NCOR1: variants seen among roughly 807,000 people sequenced by gnomAD.
NCOR1 encodes protein phosphatase 1, regulatory subunit 109.
Under a neutral mutation model 288.1 loss-of-function variants are expected in NCOR1, and 63 were observed. That is an observed-to-expected ratio of 0.22 (90% CI 0.18 to 0.27). The LOEUF (loss-of-function observed/expected upper bound fraction) is 0.27, where lower values mean the gene tolerates loss of function less well. Among genes scored for constraint, NCOR1 ranks in the 10% least tolerant of loss-of-function variants. The pLI is 1.00. For synonymous variants in NCOR1, 1,007 were observed against 1,065.9 expected, an observed-to-expected ratio of 0.94 and a Z score of 1.08; for missense variants, 2,397 against 3,019.2, an observed-to-expected ratio of 0.79 and a Z score of 4.83.
chr17:16,126,255 G>C (rs542844666), intron 14 of NCOR1, 49 bp from the exon 15 acceptor site: 1 of 1,490,326 alleles, frequency 6.7e-7, no homozygotes, highest in African/African-American at 1.4e-5. Context: ...AACAGAAATA[G>C]CTCCTTATAG....
chr17:16,213,075 G>A (rs1481536055), intron 1 of NCOR1, among the ~76,000 whole-genome samples: 3 of 139,254 alleles, frequency 2.2e-5, no homozygotes, highest in Non-Finnish European at 3.1e-5. Context: ...AAAAAAAAAA[G>A]CTTTAAAAAA....
Position 16,064,158 on chromosome 17 carries a change from T to G in NCOR1, c.5131A>C (p.Ser1711Arg). Reference sequence around the variant, plus strand: ...TCCCGTTCCCGTTCCCTCTCAGCACTTGCAGCAGCTGCAAGGTGTGTTGGG... The same window carrying G: ...TCCCGTTCCCGTTCCCTCTCAGCACGTGCAGCAGCTGCAAGGTGTGTTGGG... ...GHPTHLAAAA[S>R]AERERERERE... Residue 1711 changes from serine (S) to arginine (R), a missense_variant, in exon 35 of 46, where the codon AGT becomes CGT. Ser to Arg is a moderately radical substitution (Grantham distance 110). Transcript: ENST00000268712. 1 of 1,614,122 alleles carries G rather than the reference T, an allele frequency of 6.2e-7. No homozygotes were observed.
intron 1 of NCOR1, among the ~76,000 whole-genome samples, chr17:16,200,771 A>C (rs1255457983): frequency 6.6e-6 from 1 of 151,592 alleles, no homozygotes; most frequent in African/African-American, 2.4e-5. Flanking sequence ...ATTAGGTCAC[A>C]CCAGTTCCCA....
At chr17:16,109,485 A>G (rs2069526679) in intron 18 of NCOR1, among the ~76,000 whole-genome samples, 1 of 152,056 alleles carries the variant, frequency 6.6e-6, no homozygotes, top group South Asian at 2.1e-4. Context: ...TGAGCAGAAC[A>G]TATCACTGTT....
At chr17:16,211,449 TCTCAAACTCCTGGC>T (rs1259563243) in intron 1 of NCOR1, among the ~76,000 whole-genome samples, 1 of 151,904 alleles carries the variant, frequency 6.6e-6, no homozygotes, top group African/African-American at 2.4e-5. Context: ...TGCAGGTTGG[TCTCAAACTCCTGGC>T]CTCAAGTGGT....
intron 21 of NCOR1, among the ~76,000 whole-genome samples, chr17:16,095,687 G>A (rs1452699094): frequency 4.9e-4 from 25 of 51,076 alleles, no homozygotes; most frequent in Admixed American, 1.5e-3. Flanking sequence ...CAGCCGCCCC[G>A]TCCGGGAGGG....
At chr17:16,117,620 C>T (rs987971408) in intron 18 of NCOR1, among the ~76,000 whole-genome samples, 3 of 151,260 alleles carry the variant, frequency 2.0e-5, no homozygotes, top group African/African-American at 7.3e-5. Context: ...GTCTGGAGTT[C>T]GAGACCAGCC....
intron 40 of NCOR1, among the ~76,000 whole-genome samples, chr17:16,055,321 A>G (rs542673577): frequency 6.6e-6 from 1 of 152,244 alleles, no homozygotes; most frequent in Non-Finnish European, 1.5e-5. Context: ...TGGTACATAT[A>G]CACCATGGAA....
chr17:16,044,424 C>CA (rs2058305209), intron 42 of NCOR1: 1 of 471,472 alleles, frequency 2.1e-6, no homozygotes, highest in African/African-American at 2.0e-5. Context: ...GCAAGGCCCC[C>CA]ACTTTCCTTT....
At chr17:16,196,202 T>C (rs1295593904) in intron 1 of NCOR1, among the ~76,000 whole-genome samples, 1 of 150,824 alleles carries the variant, frequency 6.6e-6, no homozygotes, top group Non-Finnish European at 1.5e-5. Flanking sequence ...ATTTTATTAG[T>C]AAAGTTTTAA....
chr17:16,145,299 G>A (rs886756902), intron 10 of NCOR1, among the ~76,000 whole-genome samples: 1 of 152,210 alleles, frequency 6.6e-6, no homozygotes, highest in African/African-American at 2.4e-5. Context: ...TGCCGAGATT[G>A]CAGCCTCTGC....
At chr17:16,062,996 C>A (rs953089472) in intron 35 of NCOR1, among the ~76,000 whole-genome samples, 1 of 152,076 alleles carries the variant, frequency 6.6e-6, no homozygotes, top group Non-Finnish European at 1.5e-5. Context: ...TTCTTCTTGA[C>A]CTCATCTTGT....
Position 16,183,118 on chromosome 17 carries a change from C to T in NCOR1, c.242+3436G>A, listed in dbSNP as rs1336574645. ...TACTGAAAGATTTTCCACTAAGATACCATGAAAGGTAAGGATCGGATCCTT... is the reference window on the plus strand; with the variant it reads ...TACTGAAAGATTTTCCACTAAGATATCATGAAAGGTAAGGATCGGATCCTT... On this transcript the variant is annotated intron_variant, in intron 3 of 45. Coordinates refer to ENST00000268712, the MANE Select transcript of NCOR1 (RefSeq NM_006311.4). Among the ~76,000 whole-genome samples, 72 of 150,750 alleles carry T rather than the reference C, an allele frequency of 4.8e-4. 2 individuals carry two copies. The highest frequency in any genetic ancestry group is 5.9e-5 in the Non-Finnish European group (4 of 67,710).
rs1205041571 is a variant in NCOR1, at chr17:16,145,439, G to A, written c.1082+937C>T. Among the ~76,000 whole-genome samples, 13 of 122,944 alleles carry A rather than the reference G, an allele frequency of 1.1e-4. 1 individual carries two copies. Among genetic ancestry groups the A allele is most frequent in the South Asian group, 2.6e-4 (1 of 3,850 alleles). The allele number at this position is 122,944 out of a possible 152,430, so 80.7% of individuals were successfully genotyped here. On this transcript the variant is annotated intron_variant, in intron 10 of 45. Coordinates refer to ENST00000268712, the MANE Select transcript of NCOR1 (RefSeq NM_006311.4). ...GAGCGTCTCTGCCCGGCCGCCCATCGTCTGGGATGTGGGGAGTGCCTCGGC... is the reference window on the plus strand; with the variant it reads ...GAGCGTCTCTGCCCGGCCGCCCATCATCTGGGATGTGGGGAGTGCCTCGGC...
chr17:16,032,434 A>G lies in NCOR1; in HGVS notation c.7185T>C (p.Ser2395=), dbSNP rs760884846. Residue 2395 remains serine, a synonymous_variant, in exon 46 of 46, where the codon AGT becomes AGC. Coordinates refer to ENST00000268712, the MANE Select transcript of NCOR1 (RefSeq NM_006311.4). ...CACATGCAATCGGTGTTGGTGGAGT[A>G]CTGCTGAGCATCCGCATAGTCAGAG... ...YNPLTMRMLS[S]TPPTPIACAP... 1.2e-6 allele frequency: 2 copies of G among 1,613,272 alleles called. No homozygotes were observed. Among genetic ancestry groups the G allele is most frequent in the Non-Finnish European group, 1.7e-6 (2 of 1,179,784 alleles).
intron 21 of NCOR1, 39 bp from the exon 22 acceptor site, chr17:16,092,097 A>T: frequency 6.2e-7 from 1 of 1,600,318 alleles, no homozygotes; most frequent in Non-Finnish European, 8.5e-7. Context: ...CAAACAACCA[A>T]TGTAATAATT....
chr17:16,073,833 AATGTAGGTACAGATT>A (rs1351326751), intron 27 of NCOR1, among the ~76,000 whole-genome samples: 1 of 152,208 alleles, frequency 6.6e-6, no homozygotes, highest in Non-Finnish European at 1.5e-5. Flanking sequence ...CTTACACAAT[AATGTAGGTACAGATT>A]ATGTAGTAAA....
chr17:16,158,902 C>T lies in NCOR1; in HGVS notation c.619-29G>A, dbSNP rs370861497. 7.3e-6 allele frequency: 11 copies of T among 1,505,252 alleles called. No homozygotes were observed. In the South Asian group the frequency reaches 1.1e-4, roughly 15 times the overall value. 93.2% of individuals were successfully genotyped at this position (1,505,252 alleles called of 1,614,324 possible). A position where few individuals can be genotyped will look rare whatever the true frequency, so the allele number is the denominator to read the frequency against. On this transcript the variant is annotated intron_variant, in intron 5 of 45. Coordinates refer to ENST00000268712, the MANE Select transcript of NCOR1 (RefSeq NM_006311.4). ...AGAGATCCAGAAAGAAAGAGTCAAG[C>T]ATGTGCTGCACACCACACCCAGCAG...
intron 42 of NCOR1, among the ~76,000 whole-genome samples, chr17:16,041,839 C>T (rs1294066557): frequency 6.6e-6 from 1 of 152,138 alleles, no homozygotes; most frequent in Non-Finnish European, 1.5e-5. Context: ...CAGGTTCACG[C>T]CACTCTCCTG....
Sources: allele counts gnomAD v4.1 joint callset (sites outside exome capture counted in the v4.1 genomes callset), GRCh38; gene constraint gnomAD v4.1.1; transcripts MANE v1.5; gene names NCBI Gene and HGNC (gene_info 2026-07-23, HGNC 2026-07-21).